The following PSME4 variants were observed in gnomAD, a reference collection of about 807,000 sequenced individuals.
The protein encoded by PSME4 is proteasome activator subunit 4, also known as proteasome activator complex subunit 4.
Under a neutral mutation model 253.9 loss-of-function variants are expected in PSME4, and 89 were observed. The observed-to-expected ratio is 0.35, with a 90% CI of 0.30 to 0.42. The LOEUF is 0.42. PSME4 is among the 10% of genes least tolerant of loss of function. The pLI is 1.00. For missense variants in PSME4, 2,014 were observed against 2,195.2 expected, an observed-to-expected ratio of 0.92 and a Z score of 1.65; for synonymous variants, 851 against 759.2, an observed-to-expected ratio of 1.12 and a Z score of -1.99.
intron 3 of PSME4, among the ~76,000 whole-genome samples, chr2:53,940,920 A>ATG (rs1669374009): frequency 1.6e-5 from 1 of 60,610 alleles, no homozygotes; most frequent in Middle Eastern, 6.9e-3. Flanking sequence ...ATATTTAAAT[A>ATG]TATATATAAT....
intron 26 of PSME4, 106 bp downstream of exon 26, chr2:53,906,492 C>G (rs1680664923): frequency 7.3e-7 from 1 of 1,374,282 alleles, no homozygotes; most frequent in African/African-American, 1.5e-5. Context: ...AGAATAATTC[C>G]AATTATGGGT....
rs1157395925 is a variant in PSME4, at chr2:53,896,851, T to A, written c.3641A>T (p.Gln1214Leu). The A allele has an allele frequency of 2.5e-6, 4 of 1,612,626 alleles. No individual in the cohort carries two copies. Among genetic ancestry groups the A allele is most frequent in the Admixed American group, 1.7e-5 (1 of 60,014 alleles). The change falls in exon 32 of 47, where the codon CAG becomes CTG. Residue 1214 changes from glutamine to leucine, a missense_variant. This residue lies in a region of PSME4 where 989 missense variants were observed against 1,021.1 expected (regional missense o/e 0.97). Coordinates refer to ENST00000404125, the MANE Select transcript of PSME4 (RefSeq NM_014614.3). ...CAGCTTTTTGTGGGTTCTTTTTAGCTGTTTAAGGATACCAGCAACAGCTGA... is the reference window on the plus strand; with the variant it reads ...CAGCTTTTTGTGGGTTCTTTTTAGCAGTTTAAGGATACCAGCAACAGCTGA... ...AISAVAGILK[Q>L]LKRTHKKLTI... is the part of the protein sequence containing the mutation.
intron 43 of PSME4, among the ~76,000 whole-genome samples, chr2:53,872,741 CAAAAAAAAAAAAAAA>C (rs61308177): frequency 0.012 from 599 of 48,028 alleles, 10 homozygotes; most frequent in African/African-American, 0.045. Context: ...GACTTGGTCT[CAAAAAAAAAAAAAAA>C]AAAAAAAAAA....
At chr2:53,968,816 A>T (rs929745301) in intron 1 of PSME4, among the ~76,000 whole-genome samples, 1 of 152,240 alleles carries the variant, frequency 6.6e-6, no homozygotes, top group Non-Finnish European at 1.5e-5. Context: ...TTATCTAATA[A>T]GCCAAAACAA....
At chr2:53,909,604 C>A (rs1261279582) in intron 21 of PSME4, among the ~76,000 whole-genome samples, 1 of 152,136 alleles carries the variant, frequency 6.6e-6, no homozygotes, top group Non-Finnish European at 1.5e-5. Flanking sequence ...AAAATGACTA[C>A]TGTATAATTA....
chr2:53,943,737 G>C (rs931975903), intron 3 of PSME4, among the ~76,000 whole-genome samples: 1 of 151,152 alleles, frequency 6.6e-6, no homozygotes, highest in Non-Finnish European at 1.5e-5. Context: ...AGCTACTCAG[G>C]AGACTGAGGC....
rs1166679203 is a variant in PSME4 at position 53,970,870 on chromosome 2, TCGTCGCCCTGCGGCCGCTGGCGGCC to T, written c.-111_-87del. 1.9e-4 allele frequency: 227 copies of T among 1,202,638 alleles called. 1 individual carries two copies. In the Middle Eastern group the frequency reaches 6.8e-3, roughly 36 times the overall value. The allele number at this position is 1,202,638 out of a possible 1,614,324, so 74.5% of individuals were successfully genotyped here. On this transcript the variant is annotated 5_prime_UTR_variant, in exon 1 of 47. Transcript: ENST00000404125. ...TCCGGGCTCCGCCTCCTCCGCGTCT[TCGTCGCCCTGCGGCCGCTGGCGGCC>T]CGTCGCCCTCGGACCGATCGCTAGG...
intron 3 of PSME4, chr2:53,942,271 A>C (rs1027467943): frequency 1.3e-5 from 2 of 152,636 alleles, no homozygotes; most frequent in African/African-American, 4.8e-5. Flanking sequence ...CTACTAGACT[A>C]CATTTCACTA....
At chr2:53,942,350 A>C (rs1669491262) in intron 3 of PSME4, 1 of 152,596 alleles carries the variant, frequency 6.6e-6, no homozygotes, top group Non-Finnish European at 1.5e-5. Context: ...CTAAAGTGAT[A>C]ACAATTCAAA....
At chr2:53,965,085 A>G (rs1463048868) in intron 1 of PSME4, among the ~76,000 whole-genome samples, 1 of 151,978 alleles carries the variant, frequency 6.6e-6, no homozygotes, top group African/African-American at 2.4e-5. Context: ...AATTCTGTTT[A>G]AACACACACA....
chr2:53,892,287 T>C (rs1679945067), intron 36 of PSME4, among the ~76,000 whole-genome samples: 1 of 152,158 alleles, frequency 6.6e-6, no homozygotes, highest in Non-Finnish European at 1.5e-5. Context: ...TCTCGTGTAT[T>C]TTGCTAATGA....
Position 53,907,138 on chromosome 2 carries a change from G to A in PSME4, c.2785-270C>T, listed in dbSNP as rs572978968. On this transcript the variant is annotated intron_variant, in intron 24 of 46. Transcript: ENST00000404125. ...TACTATTAGACCCATGCATGGGAGA[G>A]CAACAGAGTTGTGTTCTTATTCAGT... Among the ~76,000 whole-genome samples the A allele has an allele frequency of 2.6e-5, 4 of 152,282 alleles. No individual in the cohort carries two copies. The South Asian group carries it at 8.3e-4, about 32-fold the overall frequency.
At chr2:53,916,261 A>AAAG (rs397756648) in intron 20 of PSME4, among the ~76,000 whole-genome samples, 6 of 151,056 alleles carry the variant, frequency 4.0e-5, no homozygotes, top group Non-Finnish European at 7.4e-5. Context: ...AAAAAAAAAA[A>AAAG]TCTTATGAAT....
chr2:53,965,670 G>GTTT (rs200690643), intron 1 of PSME4, among the ~76,000 whole-genome samples: 4 of 139,318 alleles, frequency 2.9e-5, no homozygotes, highest in East Asian at 2.1e-4. Context: ...GTGTTTTTTT[G>GTTT]TTTTTTTTTT....
At chr2:53,925,442 A>C (rs1668520891) in intron 14 of PSME4, 97 bp downstream of exon 14, 3 of 1,111,034 alleles carry the variant, frequency 2.7e-6, no homozygotes, top group Non-Finnish European at 3.6e-6. Context: ...TGTAAATGAT[A>C]AACTGCATGA....
intron 3 of PSME4, among the ~76,000 whole-genome samples, chr2:53,942,702 C>G (rs1261906947): frequency 6.6e-6 from 1 of 152,142 alleles, no homozygotes; most frequent in Non-Finnish European, 1.5e-5. Context: ...TTATTTCATA[C>G]TTAGCCATAA....
At chr2:53,922,744 G>A (rs1402592147) in intron 16 of PSME4, among the ~76,000 whole-genome samples, 160 bp from the exon 17 acceptor site, 2 of 152,174 alleles carry the variant, frequency 1.3e-5, no homozygotes, top group Non-Finnish European at 2.9e-5. Flanking sequence ...TCCAAAAGGA[G>A]GTAGAAACAG....
intron 11 of PSME4, 42 bp downstream of exon 11, chr2:53,928,075 C>T (rs1424249337): frequency 6.7e-7 from 1 of 1,492,206 alleles, no homozygotes; most frequent in South Asian, 1.3e-5. Context: ...TTTACTTTGC[C>T]TCCTACCTAA....
chr2:53,882,513 G>C (rs969515083), intron 41 of PSME4, among the ~76,000 whole-genome samples: 3 of 152,140 alleles, frequency 2.0e-5, no homozygotes, highest in Non-Finnish European at 4.4e-5. Context: ...TTAGGAGATG[G>C]GTGGTATCAT....
Sources: gnomAD v4.1 joint callset for allele counts (sites outside exome capture counted in the v4.1 genomes callset) on GRCh38, gnomAD v4.1.1 for gene constraint, gnomAD v4.1.1 regional missense constraint, MANE v1.5 for transcripts, NCBI Gene and HGNC (gene_info 2026-07-23, HGNC 2026-07-21) for gene names.